The following CRACD variants were observed in gnomAD, a reference collection of about 807,000 sequenced individuals.
CRACD encodes the protein capping protein-inhibiting regulator of actin dynamics.
Under a neutral mutation model 106.8 loss-of-function variants are expected in CRACD, and 56 were observed. The ratio of observed to expected loss-of-function variants is 0.52; its 90% CI spans 0.42 to 0.66. CRACD has a LOEUF of 0.66. Among genes scored for constraint, CRACD ranks in the 30% least tolerant of loss-of-function variants. CRACD has a pLI of 0.00. For missense variants in CRACD, 1,730 were observed against 1,623.2 expected, an observed-to-expected ratio of 1.07 and a Z score of -1.13; for synonymous variants, 754 against 670.8, an observed-to-expected ratio of 1.12 and a Z score of -1.92.
At chr4:56,191,376 TCTCCCTCCCTCCCTTCCTCC>T (rs1737360833) in intron 2 of CRACD, among the ~76,000 whole-genome samples, 2 of 151,746 alleles carry the variant, frequency 1.3e-5, no homozygotes, top group African/African-American at 4.8e-5. Context: ...AGTCTTCCTC[TCTCCCTCCCTCCCTTCCTCC>T]CTCCCTCCCT....
chr4:56,278,591 C>T (rs140972754), intron 3 of CRACD, among the ~76,000 whole-genome samples: 39 of 152,156 alleles, frequency 2.6e-4, no homozygotes, highest in African/African-American at 8.4e-4. Context: ...TTGAATTAGG[C>T]AGTGGTTTCT....
rs565877598 is a variant in CRACD, at chr4:56,240,043, T to A, written c.-188-32278T>A. ...CCAGATATTTTCATTTCAATTATTCTTTTTTTTATTCGTCCATCTCATATG... is the reference window on the plus strand; with the variant it reads ...CCAGATATTTTCATTTCAATTATTCATTTTTTTATTCGTCCATCTCATATG... On this transcript the variant is annotated intron_variant, in intron 2 of 10. Transcript: ENST00000682029. Among the ~76,000 whole-genome samples, 4 of 3,464 alleles carry A rather than the reference T, an allele frequency of 1.2e-3. No individual in the cohort carries two copies. The Admixed American group carries it at 0.012, about 10-fold the overall frequency. 2.3% of individuals were successfully genotyped at this position (3,464 alleles called of 152,430 possible). A position where few individuals can be genotyped will look rare whatever the true frequency, so the allele number is the denominator to read the frequency against.
In CRACD at chr4:56,153,466, G is replaced by A. The variant is rs192513151; in HGVS notation, c.-335-25818G>A. 6.6e-5 allele frequency among the ~76,000 whole-genome samples: 10 copies of A among 152,034 alleles called. No individual in the cohort carries two copies. The East Asian group carries it at 1.4e-3, about 21-fold the overall frequency. On this transcript the variant is annotated intron_variant, in intron 1 of 10. Coordinates refer to ENST00000682029, the MANE Select transcript of CRACD (RefSeq NM_001393381.1). ...AGTAAATATTCTGTATTTTACCTCC[G>A]AGATGTGGTGTATGTCTTCACGCTT...
Position 56,328,469 on chromosome 4 carries a change from C to G in CRACD, c.*665C>G. ...GTGTGGGGCCCTGTTATTCCAATACCCTCCTTAAGGACATGTGAAGCATTT... is the reference window on the plus strand; with the variant it reads ...GTGTGGGGCCCTGTTATTCCAATACGCTCCTTAAGGACATGTGAAGCATTT... On this transcript the variant is annotated 3_prime_UTR_variant, in exon 11 of 11. Transcript: ENST00000682029. 2.0e-6 allele frequency: 1 copy of G among 508,504 alleles called. No homozygotes were observed. Among genetic ancestry groups the G allele is most frequent in the South Asian group, 1.5e-5 (1 of 68,784 alleles). 31.5% of individuals were successfully genotyped at this position (508,504 alleles called of 1,614,324 possible). A position where few individuals can be genotyped will look rare whatever the true frequency, so the allele number is the denominator to read the frequency against.
chr4:56,222,316 T>G (rs1236733183), intron 2 of CRACD, among the ~76,000 whole-genome samples: 2 of 152,204 alleles, frequency 1.3e-5, no homozygotes, highest in East Asian at 3.8e-4. Flanking sequence ...ATGTATGTTC[T>G]CACAAGTGGG....
chr4:56,154,163 G>A (rs1014717911), intron 1 of CRACD, among the ~76,000 whole-genome samples: 1 of 152,146 alleles, frequency 6.6e-6, no homozygotes, highest in African/African-American at 2.4e-5. Context: ...GTATGGAGAA[G>A]AAGATTTAAA....
At chr4:56,254,338 G>C (rs1186102464) in intron 2 of CRACD, among the ~76,000 whole-genome samples, 1 of 151,882 alleles carries the variant, frequency 6.6e-6, no homozygotes, top group African/African-American at 2.4e-5. Context: ...ACCCAGTCTG[G>C]AATCCTGAGA....
At chr4:56,221,260 G>A (rs1739015763) in intron 2 of CRACD, among the ~76,000 whole-genome samples, 1 of 152,156 alleles carries the variant, frequency 6.6e-6, no homozygotes, top group South Asian at 2.1e-4. Context: ...AATGAATTTG[G>A]AAGCTATTGA....
chr4:56,206,756 G>A (rs1479199059), intron 2 of CRACD, among the ~76,000 whole-genome samples: 4 of 152,096 alleles, frequency 2.6e-5, no homozygotes, highest in Admixed American at 6.6e-5. Flanking sequence ...TTTTGGTCAC[G>A]TTGTCCCTTA....
At chr4:56,238,384 C>A (rs1434769485) in intron 2 of CRACD, among the ~76,000 whole-genome samples, 1 of 152,212 alleles carries the variant, frequency 6.6e-6, no homozygotes, top group Admixed American at 6.5e-5. Flanking sequence ...TCTTACATGG[C>A]CACTTAGGGC....
At chr4:56,253,207 A>G (rs1016839339) in intron 2 of CRACD, among the ~76,000 whole-genome samples, 3 of 152,192 alleles carry the variant, frequency 2.0e-5, no homozygotes, top group African/African-American at 7.2e-5. Flanking sequence ...CCTGAAGGTC[A>G]TTTATTTTGC....
chr4:56,305,091 G>A (rs1386761817), intron 4 of CRACD, among the ~76,000 whole-genome samples: 1 of 151,436 alleles, frequency 6.6e-6, no homozygotes, highest in African/African-American at 2.4e-5. Flanking sequence ...TGTGGTGGTC[G>A]ATGCATGTGG....
intron 1 of CRACD, among the ~76,000 whole-genome samples, chr4:56,166,055 G>GT (rs1307564403): frequency 2.0e-5 from 3 of 152,024 alleles, no homozygotes; most frequent in African/African-American, 4.8e-5. Flanking sequence ...GTAGAGATGG[G>GT]TTTTTTTCTA....
At chr4:56,148,809 AT>A (rs201226509) in intron 1 of CRACD, among the ~76,000 whole-genome samples, 13,416 of 142,526 alleles carry the variant, frequency 0.094, 1,027 homozygotes, top group East Asian at 0.39. Flanking sequence ...TTATCCTTAG[AT>A]TTTTTTTTTT....
At chr4:56,281,060 G>C (rs532802987) in intron 3 of CRACD, among the ~76,000 whole-genome samples, 20 of 152,302 alleles carry the variant, frequency 1.3e-4, no homozygotes, top group African/African-American at 4.6e-4. Context: ...AGAAAAAGAA[G>C]GTTGATGAAT....
chr4:56,272,608 G>A (rs1369595575), intron 3 of CRACD, 116 bp downstream of exon 3: 1 of 152,472 alleles, frequency 6.6e-6, no homozygotes, highest in African/African-American at 2.4e-5. Context: ...AATCCCAAAC[G>A]GGGCAGGGTG....
intron 1 of CRACD, among the ~76,000 whole-genome samples, chr4:56,148,925 C>T (rs1426025390): frequency 6.6e-6 from 1 of 151,928 alleles, no homozygotes; most frequent in Non-Finnish European, 1.5e-5. Flanking sequence ...AAGCAATTCT[C>T]CTGCCTCAAC....
intron 1 of CRACD, among the ~76,000 whole-genome samples, chr4:56,176,514 C>T (rs1736590258): frequency 6.6e-6 from 1 of 151,270 alleles, no homozygotes; most frequent in Non-Finnish European, 1.5e-5. Flanking sequence ...CTGCAAGCTC[C>T]ACCTCCCAGG....
chr4:56,055,190 G>T (rs186724548), intron 1 of CRACD, among the ~76,000 whole-genome samples: 72 of 152,150 alleles, frequency 4.7e-4, no homozygotes, highest in African/African-American at 1.7e-3. Context: ...ATCTTATCTG[G>T]AGGCTCACTG....
Sources: gnomAD v4.1 joint callset for allele counts (sites outside exome capture counted in the v4.1 genomes callset) on GRCh38, gnomAD v4.1.1 for gene constraint, MANE v1.5 for transcripts, NCBI Gene and HGNC (gene_info 2026-07-23, HGNC 2026-07-21) for gene names.